Variants in CTDSPL observed in about 807,000 individuals in gnomAD.
CTDSPL encodes CTD small phosphatase-like protein.
A neutral mutation model predicts 30.5 loss-of-function variants in CTDSPL; 8 were observed. The observed-to-expected ratio is 0.26, with a 90% CI of 0.15 to 0.47. The LOEUF is 0.47. Among genes scored for constraint, CTDSPL ranks in the 20% least tolerant of loss-of-function variants. The pLI is 0.99. For missense variants in CTDSPL, 248 were observed against 366.1 expected (o/e 0.68, Z 2.63); for synonymous variants, 110 against 137.9 (o/e 0.80, Z 1.42).
At chr3:37,956,880 G>A (rs896498738) in intron 2 of CTDSPL, among the ~76,000 whole-genome samples, 2 of 152,204 alleles carry the variant, frequency 1.3e-5, no homozygotes, top group African/African-American at 4.8e-5. Context: ...TGGTTTGTGA[G>A]TCTCAGGAGC....
At chr3:37,911,182 C>T (rs1378490333) in intron 1 of CTDSPL, among the ~76,000 whole-genome samples, 2 of 152,222 alleles carry the variant, frequency 1.3e-5, no homozygotes, top group Non-Finnish European at 2.9e-5. Context: ...TATTGCTGTA[C>T]TCAGGAAATC....
chr3:37,984,206 A>C lies in CTDSPL; in HGVS notation c.*3339A>C, dbSNP rs1288707330. 2.2e-6 allele frequency: 1 copy of C among 456,768 alleles called. No individual in the cohort carries two copies. Among genetic ancestry groups the C allele is most frequent in the East Asian group, 7.0e-5 (1 of 14,388 alleles). 28.3% of individuals were successfully genotyped at this position (456,768 alleles called of 1,614,324 possible). A position where few individuals can be genotyped will look rare whatever the true frequency, so the allele number is the denominator to read the frequency against. On this transcript the variant is annotated 3_prime_UTR_variant, in exon 8 of 8. Coordinates refer to ENST00000273179, the MANE Select transcript of CTDSPL (RefSeq NM_001008392.2). ...GGCTGGCTGCCTCTGTTCCTACTGT[A>C]CTGTAACTTTGATCATGTCTGTTCC...
intron 1 of CTDSPL, among the ~76,000 whole-genome samples, chr3:37,940,167 A>G (rs1471087621): frequency 6.6e-6 from 1 of 150,428 alleles, no homozygotes; most frequent in Non-Finnish European, 1.5e-5. Context: ...TTTGGGCACC[A>G]AGAGTGCTCT....
chr3:37,862,532 G>T lies in CTDSPL; in HGVS notation c.79+254G>T, dbSNP rs868722426. ...CATCTAACCGGGAGGTTGTGAGTTT[G>T]TGTGCGCGCACGCCCGCAGAGAAGT... On this transcript the variant is annotated intron_variant, in intron 1 of 7. Transcript: ENST00000273179. This position sits in a 1 kb window ranked among gnomAD's most constrained non-coding sequence, Gnocchi z 4.3. Among the ~76,000 whole-genome samples the T allele has an allele frequency of 6.6e-6, 1 of 152,178 alleles. No homozygotes were observed. The highest frequency in any genetic ancestry group is 2.4e-5 in the African/African-American group (1 of 41,452).
chr3:37,951,525 A>G (rs1699107969), intron 2 of CTDSPL, among the ~76,000 whole-genome samples: 1 of 152,022 alleles, frequency 6.6e-6, no homozygotes, highest in Non-Finnish European at 1.5e-5. Context: ...AAAAATAAAA[A>G]TAAAAAATCA....
intron 1 of CTDSPL, among the ~76,000 whole-genome samples, chr3:37,867,326 T>C (rs1370677351): frequency 2.0e-5 from 3 of 152,230 alleles, no homozygotes; most frequent in Non-Finnish European, 2.9e-5. Flanking sequence ...TTCCATGACA[T>C]GGATATACCA....
In CTDSPL at chr3:37,975,101, C is replaced by T. The variant is rs113161175; in HGVS notation, c.520-608C>T. On this transcript the variant is annotated intron_variant, in intron 6 of 7. Coordinates refer to ENST00000273179, the MANE Select transcript of CTDSPL (RefSeq NM_001008392.2). The surrounding 1 kb of genome is among the most constrained non-coding windows in gnomAD (Gnocchi z 4.9). ...AGTCAAGACCTGAAAAACCAGGAGA[C>T]AGATGTTCTGCAAAGAGCTGGGGAG... is the stretch of plus-strand genomic sequence containing the variant. 8.9e-4 allele frequency among the ~76,000 whole-genome samples: 136 copies of T among 152,306 alleles called. No individual in the cohort carries two copies. Among genetic ancestry groups the T allele is most frequent in the African/African-American group, 3.2e-3 (132 of 41,540 alleles).
intron 1 of CTDSPL, among the ~76,000 whole-genome samples, chr3:37,937,238 A>G (rs1480181452): frequency 6.7e-6 from 1 of 150,102 alleles, no homozygotes; most frequent in Non-Finnish European, 1.5e-5. Flanking sequence ...TATGGTTTAG[A>G]CGTGGTTTGT....
At position 37,960,505 on chromosome 3, in the gene CTDSPL, A is replaced by AAT. The variant is rs1379736177; in HGVS notation, c.267+3392_267+3393dup. Among the ~76,000 whole-genome samples the AAT allele has an allele frequency of 3.4e-3, 131 of 38,478 alleles. 3 individuals carry two copies. Among genetic ancestry groups the AAT allele is most frequent in the East Asian group, 5.9e-3 (7 of 1,182 alleles). 25.2% of individuals were successfully genotyped at this position (38,478 alleles called of 152,430 possible). ...CAAAAAAAAAAAAAAAAAAAAAAAA[A>AAT]ATATATATATATATATATATATATA... On this transcript the variant is annotated intron_variant, in intron 3 of 7. Transcript: ENST00000273179.
At position 37,865,443 on chromosome 3, in the gene CTDSPL, G is replaced by A. The variant is rs1697998323; in HGVS notation, c.79+3165G>A. ...TAAATGACTGCCAATGTTCAAAGTA[G>A]ACAAAGGTTTGGAAAATGACTTAAT... is the stretch of plus-strand genomic sequence containing the variant. On this transcript the variant is annotated intron_variant, in intron 1 of 7. Transcript: ENST00000273179. 2.6e-5 allele frequency among the ~76,000 whole-genome samples: 4 copies of A among 152,324 alleles called. No individual in the cohort carries two copies. In the South Asian group the frequency reaches 8.3e-4, roughly 32 times the overall value.
chr3:37,934,314 A>G (rs1698890027), intron 1 of CTDSPL, among the ~76,000 whole-genome samples: 1 of 151,956 alleles, frequency 6.6e-6, no homozygotes, highest in African/African-American at 2.4e-5. Context: ...CAACAGAGCG[A>G]GACCCTCTCT....
chr3:37,974,072 T>C (rs996284197), intron 6 of CTDSPL, among the ~76,000 whole-genome samples: 2 of 152,206 alleles, frequency 1.3e-5, no homozygotes, highest in African/African-American at 4.8e-5. Context: ...CATCAGCTAT[T>C]GTTAGTGATA....
Position 37,885,948 on chromosome 3 carries a change from G to A in CTDSPL, c.79+23670G>A, listed in dbSNP as rs138392826. Among the ~76,000 whole-genome samples the A allele has an allele frequency of 4.7e-4, 71 of 152,248 alleles. No individual in the cohort carries two copies. In the East Asian group the frequency reaches 0.012, roughly 26 times the overall value. On this transcript the variant is annotated intron_variant, in intron 1 of 7. Coordinates refer to ENST00000273179, the MANE Select transcript of CTDSPL (RefSeq NM_001008392.2). ...GCAAAAACAAGTAAACAAAAGAAGC[G>A]TAAGAACTACCCACAATCTCAGGGT... is the stretch of plus-strand genomic sequence containing the variant.
intron 1 of CTDSPL, among the ~76,000 whole-genome samples, chr3:37,882,459 A>T (rs1231532006): frequency 6.7e-6 from 1 of 150,248 alleles, no homozygotes; most frequent in Non-Finnish European, 1.5e-5. Context: ...AAAAAAAAAA[A>T]TTCAAAAATT....
chr3:37,936,223 G>A (rs17037196), intron 1 of CTDSPL, among the ~76,000 whole-genome samples: 10,246 of 152,168 alleles, frequency 0.067, 633 homozygotes, highest in African/African-American at 0.16. Context: ...TCAAAGGTAC[G>A]TTTCTTTTAT....
chr3:37,929,277 A>G (rs1190711092), intron 1 of CTDSPL, among the ~76,000 whole-genome samples: 1 of 152,180 alleles, frequency 6.6e-6, no homozygotes, highest in East Asian at 1.9e-4. Context: ...TTGTGGCTCC[A>G]TATGAATTTT....
chr3:37,951,634 T>G (rs1236946901), intron 2 of CTDSPL, among the ~76,000 whole-genome samples: 1 of 152,120 alleles, frequency 6.6e-6, no homozygotes, highest in Non-Finnish European at 1.5e-5. Context: ...TGGGCCATGA[T>G]CGCACCACTC....
intron 7 of CTDSPL, among the ~76,000 whole-genome samples, chr3:37,980,142 C>T (rs1441668764): frequency 6.6e-6 from 1 of 152,238 alleles, no homozygotes; most frequent in African/African-American, 2.4e-5. Context: ...CTGGCTACCA[C>T]CCCTCCCCAC....
At chr3:37,950,691 C>T (rs1250494338) in intron 2 of CTDSPL, among the ~76,000 whole-genome samples, 3 of 152,212 alleles carry the variant, frequency 2.0e-5, no homozygotes, top group African/African-American at 7.2e-5. Flanking sequence ...GAGCTGAAAA[C>T]AAAGCTTGAA....
Sources: allele counts gnomAD v4.1 joint callset (sites outside exome capture counted in the v4.1 genomes callset), GRCh38; gene constraint gnomAD v4.1.1; non-coding constraint Gnocchi (gnomAD v3.1); transcripts MANE v1.5; gene names NCBI Gene and HGNC (gene_info 2026-07-23, HGNC 2026-07-21).